Variants in EYS observed in about 807,000 individuals in gnomAD.
EYS encodes protein eyes shut homolog.
EYS carries 250 observed loss-of-function variants against 282.1 expected under a neutral mutation model. The observed-to-expected ratio is 0.89, with a 90% CI of 0.80 to 0.98. The LOEUF (loss-of-function observed/expected upper bound fraction) is 0.98, where lower values mean the gene tolerates loss of function less well. Among genes scored for constraint, EYS ranks in the 50% least tolerant of loss-of-function variants. The pLI is 0.00. For missense variants in EYS, 4,016 were observed against 3,709.0 expected, an observed-to-expected ratio of 1.08 and a Z score of -2.15; for synonymous variants, 1,355 against 1,282.9, an observed-to-expected ratio of 1.06 and a Z score of -1.20.
At chr6:65,684,997 G>T (rs75987232) in intron 1 of EYS, among the ~76,000 whole-genome samples, 1 of 152,078 alleles carries the variant, frequency 6.6e-6, no homozygotes, top group East Asian at 1.9e-4. Context: ...GCAGCCTAAA[G>T]ATGTATAGGG....
chr6:64,113,458 C>T (rs1773275055), intron 31 of EYS, among the ~76,000 whole-genome samples: 1 of 152,138 alleles, frequency 6.6e-6, no homozygotes. Flanking sequence ...CTATATTTGT[C>T]TCTAAAGTAC....
chr6:63,775,920 A>C (rs536757909), intron 40 of EYS, among the ~76,000 whole-genome samples: 8 of 152,310 alleles, frequency 5.3e-5, no homozygotes, highest in Admixed American at 2.6e-4. Flanking sequence ...TGATGGTCAC[A>C]AGAGCTACTT....
rs1222956824 is a variant in EYS, at chr6:64,590,841, A to G, written c.5026T>C (p.Ser1676Pro). 1 of 1,550,780 alleles carries G rather than the reference A, an allele frequency of 6.4e-7. No homozygotes were observed. Among genetic ancestry groups the G allele is most frequent in the East Asian group, 2.4e-5 (1 of 40,876 alleles). ...GTCAAATCAGAATTCATCAAGTCTG[A>G]AGAGATAGTTTGTGAAGGGACAATG... Reference protein sequence around the residue: ...LSIVPSQTISSDLMNSDLTSK... With the variant: ...LSIVPSQTISPDLMNSDLTSK... The change falls in exon 26 of 43, where the codon TCA becomes CCA. Residue 1676 changes from serine to proline, a missense_variant. Physicochemically the swap from Ser to Pro is moderately conservative, Grantham distance 74. Coordinates refer to ENST00000503581, the MANE Select transcript of EYS (RefSeq NM_001142800.2).
chr6:64,021,307 C>T (rs566876502), intron 33 of EYS, among the ~76,000 whole-genome samples: 1 of 152,130 alleles, frequency 6.6e-6, no homozygotes, highest in African/African-American at 2.4e-5. Context: ...TATCTCAAGG[C>T]AGTAGTGCTA....
chr6:64,720,134 G>A (rs1771528195), intron 22 of EYS, among the ~76,000 whole-genome samples: 1 of 152,182 alleles, frequency 6.6e-6, no homozygotes, highest in Non-Finnish European at 1.5e-5. Context: ...GAGGCACTAA[G>A]ATAGAATCTA....
At chr6:64,746,320 A>G (rs1006696730) in intron 22 of EYS, among the ~76,000 whole-genome samples, 1 of 151,954 alleles carries the variant, frequency 6.6e-6, no homozygotes, top group Non-Finnish European at 1.5e-5. Flanking sequence ...CCTTATGAAA[A>G]GAAGAGTTTG....
At position 65,442,789 on chromosome 6, in the gene EYS, AAT is replaced by A. The variant is rs957152539; in HGVS notation, c.863-37424_863-37423del. On this transcript the variant is annotated intron_variant, in intron 5 of 42. Coordinates refer to ENST00000503581, the MANE Select transcript of EYS (RefSeq NM_001142800.2). ...AATAAAAAATAAAAAATTAAAAAAA[AAT>A]ATATAGACACACACACATGCATATG... is the stretch of plus-strand genomic sequence containing the variant. Among the ~76,000 whole-genome samples the A allele has an allele frequency of 1.4e-3, 149 of 105,348 alleles. 15 individuals are homozygous for A. In the East Asian group the frequency reaches 0.023, roughly 16 times the overall value. 69.1% of individuals were successfully genotyped at this position (105,348 alleles called of 152,430 possible). A position where few individuals can be genotyped will look rare whatever the true frequency, so the allele number is the denominator to read the frequency against.
chr6:65,224,380 CAGT>C (rs1766562415), intron 12 of EYS, among the ~76,000 whole-genome samples: 1 of 152,062 alleles, frequency 6.6e-6, no homozygotes, highest in African/African-American at 2.4e-5. Flanking sequence ...AAAAGATATA[CAGT>C]ATGCCAAAAC....
intron 1 of EYS, among the ~76,000 whole-genome samples, chr6:65,657,863 G>C (rs538003908): frequency 3.3e-4 from 50 of 151,762 alleles, no homozygotes; most frequent in African/African-American, 1.1e-3. Flanking sequence ...AAACTTTATT[G>C]TTGTCTTATT....
intron 29 of EYS, among the ~76,000 whole-genome samples, chr6:64,362,216 A>G (rs1374707525): frequency 6.6e-6 from 1 of 151,852 alleles, no homozygotes; most frequent in Non-Finnish European, 1.5e-5. Flanking sequence ...AGTAAGACAT[A>G]GAAAAATAAT....
intron 29 of EYS, among the ~76,000 whole-genome samples, chr6:64,335,490 G>A (rs764309960): frequency 6.6e-6 from 1 of 152,040 alleles, no homozygotes; most frequent in Non-Finnish European, 1.5e-5. Flanking sequence ...TTTGTTTCTT[G>A]CTTCTGTAAC....
At chr6:64,546,569 T>A (rs946556254) in intron 26 of EYS, among the ~76,000 whole-genome samples, 1 of 152,048 alleles carries the variant, frequency 6.6e-6, no homozygotes, top group African/African-American at 2.4e-5. Flanking sequence ...GAAACCACCA[T>A]CAGAATGAAC....
At chr6:65,600,236 G>A (rs773817496) in intron 2 of EYS, among the ~76,000 whole-genome samples, 18 of 151,960 alleles carry the variant, frequency 1.2e-4, no homozygotes, top group Non-Finnish European at 2.1e-4. Flanking sequence ...GGAACCCAGG[G>A]TGGTTCCAAA....
intron 41 of EYS, among the ~76,000 whole-genome samples, chr6:63,746,242 T>A (rs1769207731): frequency 6.6e-6 from 1 of 152,226 alleles, no homozygotes; most frequent in Non-Finnish European, 1.5e-5. Context: ...GATTTGCATA[T>A]GTTGAACCAA....
intron 22 of EYS, among the ~76,000 whole-genome samples, chr6:64,735,343 A>T (rs545948790): frequency 6.6e-6 from 1 of 152,140 alleles, no homozygotes; most frequent in South Asian, 2.1e-4. Flanking sequence ...TTGGCCTCCA[A>T]GAGTGCTGGG....
At chr6:64,659,082 C>T (rs1371313908) in intron 22 of EYS, among the ~76,000 whole-genome samples, 1 of 151,966 alleles carries the variant, frequency 6.6e-6, no homozygotes, top group Non-Finnish European at 1.5e-5. Context: ...TTAAGAAACT[C>T]ACTCAAAACC....
At chr6:65,089,090 G>T (rs1212095291) in intron 12 of EYS, among the ~76,000 whole-genome samples, 1 of 152,084 alleles carries the variant, frequency 6.6e-6, no homozygotes, top group East Asian at 1.9e-4. Flanking sequence ...GTAGGGCCAG[G>T]GTCCTCAGGG....
intron 31 of EYS, among the ~76,000 whole-genome samples, chr6:64,147,061 A>C (rs933348854): frequency 3.3e-5 from 5 of 152,118 alleles, no homozygotes; most frequent in Non-Finnish European, 5.9e-5. Context: ...CCTTAGGGAG[A>C]TCTTCTAAGT....
At chr6:65,186,473 T>C (rs923168060) in intron 12 of EYS, among the ~76,000 whole-genome samples, 6 of 151,738 alleles carry the variant, frequency 4.0e-5, no homozygotes, top group African/African-American at 1.2e-4. Flanking sequence ...TACTGGTAAC[T>C]ACATATTTGT....
Sources: allele counts gnomAD v4.1 joint callset (sites outside exome capture counted in the v4.1 genomes callset), GRCh38; gene constraint gnomAD v4.1.1; transcripts MANE v1.5; gene names NCBI Gene and HGNC (gene_info 2026-07-23, HGNC 2026-07-21).